PARVA: variants seen among roughly 807,000 people sequenced by gnomAD.
PARVA encodes alpha-parvin.
In PARVA, 25 loss-of-function variants were observed where a neutral mutation model predicts 52.6. That is an observed-to-expected ratio of 0.48 (90% CI 0.35 to 0.66). The LOEUF is 0.66. Among genes scored for constraint, PARVA ranks in the 30% least tolerant of loss-of-function variants. The probability of loss-of-function intolerance (pLI) is 0.01; values close to 1 mark genes in which losing one functional copy is unlikely to be tolerated. For synonymous variants in PARVA, 185 were observed against 179.1 expected, an observed-to-expected ratio of 1.03 and a Z score of -0.26; for missense variants, 373 against 450.9, an observed-to-expected ratio of 0.83 and a Z score of 1.56.
intron 5 of PARVA, among the ~76,000 whole-genome samples, chr11:12,503,654 A>G: frequency 6.6e-6 from 1 of 151,954 alleles, no homozygotes; most frequent in Non-Finnish European, 1.5e-5. Flanking sequence ...GGATTGCTTG[A>G]GCCTAGGAGT....
intron 11 of PARVA, 61 bp downstream of exon 11, chr11:12,517,772 C>T (rs1465155632): frequency 2.6e-6 from 3 of 1,172,940 alleles, no homozygotes; most frequent in Admixed American, 2.0e-5. Flanking sequence ...CATGTGCCCA[C>T]ACCCATGCTG....
intron 1 of PARVA, among the ~76,000 whole-genome samples, chr11:12,396,906 C>CTTCCTTTCTTCCTTTCTCCTTTCCTT: frequency 6.7e-6 from 1 of 148,720 alleles, no homozygotes; most frequent in African/African-American, 2.5e-5. Context: ...TTCTTCCTTT[C>CTTCCTTTCTTCCTTTCTCCTTTCCTT]TCCTTTCCTT....
At chr11:12,489,601 T>TTAGAAC in intron 4 of PARVA, among the ~76,000 whole-genome samples, 1 of 152,206 alleles carries the variant, frequency 6.6e-6, no homozygotes, top group South Asian at 2.1e-4. Context: ...TTTTCTAGAA[T>TTAGAAC]TGATGAAAGA....
chr11:12,467,619 A>C (rs1006610208), intron 1 of PARVA, among the ~76,000 whole-genome samples: 2 of 152,316 alleles, frequency 1.3e-5, no homozygotes, highest in East Asian at 1.9e-4. Flanking sequence ...TTAGCTGCCA[A>C]GAGCTTCTGT....
Position 12,459,434 on chromosome 11 carries a change from AAAG to A in PARVA, c.137-14302_137-14300del, listed in dbSNP as rs906753316. Among the ~76,000 whole-genome samples, 11 of 152,106 alleles carry A rather than the reference AAAG, an allele frequency of 7.2e-5. No individual in the cohort carries two copies. The South Asian group carries it at 8.3e-4, about 12-fold the overall frequency. On this transcript the variant is annotated intron_variant, in intron 1 of 12. Transcript: ENST00000334956. ...AAAAAAGAAAAAGAGAAGAAAGAAA[AAAG>A]AAGAAGAAAGAAAATAGCGTGTGCC...
rs1564867844 is a variant in PARVA at position 12,513,278 on chromosome 11, TTG to T, written c.737-17_737-16del. 1.9e-6 allele frequency: 3 copies of T among 1,611,286 alleles called. No homozygotes were observed. In the Admixed American group the frequency reaches 5.0e-5, roughly 27 times the overall value. On this transcript the variant is annotated intron_variant, in intron 8 of 12. Transcript: ENST00000334956. Reference sequence around the variant, plus strand: ...CAGGGATCAGCTCTTGTGCTCCACATTGTGTTTCCCTCTTTTTCAGAACGTGA... The same window carrying T: ...CAGGGATCAGCTCTTGTGCTCCACATTGTTTCCCTCTTTTTCAGAACGTGA...
chr11:12,456,877 C>A (rs1940704797), intron 1 of PARVA, among the ~76,000 whole-genome samples: 1 of 152,166 alleles, frequency 6.6e-6, no homozygotes, highest in Non-Finnish European at 1.5e-5. Flanking sequence ...AGGGCCTGAC[C>A]TGGGAACATT....
intron 1 of PARVA, among the ~76,000 whole-genome samples, chr11:12,469,358 C>G (rs1940899855): frequency 6.6e-6 from 1 of 152,186 alleles, no homozygotes; most frequent in Non-Finnish European, 1.5e-5. Context: ...CGACCTTCAG[C>G]TGGGCATTTG....
intron 1 of PARVA, among the ~76,000 whole-genome samples, chr11:12,418,332 G>T (rs1416862303): frequency 3.9e-5 from 6 of 152,180 alleles, no homozygotes; most frequent in Non-Finnish European, 7.3e-5. Context: ...CCGCCCACAG[G>T]CCTCTGTGGC....
At chr11:12,462,597 G>A (rs11022361) in intron 1 of PARVA, among the ~76,000 whole-genome samples, 54,748 of 152,114 alleles carry the variant, frequency 0.36, 11,163 homozygotes, top group Non-Finnish European at 0.48. Flanking sequence ...TAATACATTT[G>A]TATTGTGTTA....
In PARVA at chr11:12,527,963, G is replaced by A; in HGVS notation, c.*38G>A. ...GGCCCACCACTGCCCAAGAGTTCTT[G>A]CTGTTGGCGTACTGGACCCTCCTCC... On this transcript the variant is annotated 3_prime_UTR_variant, in exon 13 of 13. Transcript: ENST00000334956. 6.8e-7 allele frequency: 1 copy of A among 1,475,624 alleles called. No individual in the cohort carries two copies. The allele number at this position is 1,475,624 out of a possible 1,614,324, so 91.4% of individuals were successfully genotyped here.
intron 7 of PARVA, among the ~76,000 whole-genome samples, chr11:12,509,684 C>T (rs1000237877): frequency 1.3e-5 from 2 of 152,192 alleles, no homozygotes; most frequent in Non-Finnish European, 2.9e-5. Context: ...TGTAAAGTGG[C>T]CTTTCCCAAG....
At chr11:12,495,259 T>TA (rs908931287) in intron 4 of PARVA, among the ~76,000 whole-genome samples, 2 of 152,166 alleles carry the variant, frequency 1.3e-5, no homozygotes, top group African/African-American at 4.8e-5. Flanking sequence ...CTGAGGTGCT[T>TA]AAAAAAATTC....
chr11:12,511,385 C>T, intron 7 of PARVA, 129 bp from the exon 8 acceptor site: 1 of 955,930 alleles, frequency 1.0e-6, no homozygotes, highest in Non-Finnish European at 1.6e-6. Flanking sequence ...AGCTCCTCAA[C>T]CAAGGGCAGG....
rs1024665650 is a variant in PARVA at position 12,479,632 on chromosome 11, C to G, written c.400+1683C>G. On this transcript the variant is annotated intron_variant, in intron 4 of 12. Transcript: ENST00000334956. ...CACATTTAGAAAAGATAGTCATATA[C>G]TTTTTTTTGTGTTCCTCCCCACACA... 1.4e-4 allele frequency: 22 copies of G among 152,112 alleles called. 2 individuals are homozygous for G. Among genetic ancestry groups the G allele is most frequent in the Admixed American group, 1.2e-3 (18 of 15,264 alleles). The allele number at this position is 152,112 out of a possible 1,614,324, so 9.4% of individuals were successfully genotyped here. A position where few individuals can be genotyped will look rare whatever the true frequency, so the allele number is the denominator to read the frequency against.
At chr11:12,379,828 T>C (rs1220052638) in intron 1 of PARVA, among the ~76,000 whole-genome samples, 1 of 152,254 alleles carries the variant, frequency 6.6e-6, no homozygotes, top group Non-Finnish European at 1.5e-5. Context: ...TGGCAAATCA[T>C]GAAACCCTGG....
intron 1 of PARVA, among the ~76,000 whole-genome samples, chr11:12,378,134 A>G (rs1939430475): frequency 6.6e-6 from 1 of 151,792 alleles, no homozygotes; most frequent in Admixed American, 6.6e-5. Context: ...GCCCGCAGAC[A>G]GTGCGATCCA....
Position 12,517,614 on chromosome 11 carries a change from C to T in PARVA, c.872C>T (p.Ala291Val). ...LEVTELETQF[A>V]DGVYLVLLMG... ...ATCACCTGGCTCTTCCTCCAGTTTG[C>T]AGATGGGGTGTACCTGGTGCTGCTC... The change falls in exon 11 of 13, where the codon GCA becomes GTA. Residue 291 changes from alanine (A) to valine (V), a missense_variant. Physicochemically the swap from Ala to Val is moderately conservative, Grantham distance 64. Transcript: ENST00000334956. The T allele has an allele frequency of 6.3e-7, 1 of 1,591,964 alleles. No homozygotes were observed. Among genetic ancestry groups the T allele is most frequent in the Non-Finnish European group, 8.6e-7 (1 of 1,168,266 alleles).
chr11:12,380,649 C>A (rs1313023227), intron 1 of PARVA, among the ~76,000 whole-genome samples: 13 of 150,726 alleles, frequency 8.6e-5, no homozygotes, highest in Admixed American at 7.2e-4. Flanking sequence ...GAATACCTAG[C>A]AGATCAACCT....
Sources: allele counts gnomAD v4.1 joint callset (sites outside exome capture counted in the v4.1 genomes callset), GRCh38; gene constraint gnomAD v4.1.1; transcripts MANE v1.5; gene names NCBI Gene and HGNC (gene_info 2026-07-23, HGNC 2026-07-21).